Variants in EPS15L1 observed in about 807,000 individuals in gnomAD.
The protein encoded by EPS15L1 is epidermal growth factor receptor substrate 15-like 1.
In EPS15L1, 43 loss-of-function variants were observed where a neutral mutation model predicts 117.1. The ratio of observed to expected loss-of-function variants is 0.37; its 90% confidence interval spans 0.29 to 0.47. The LOEUF (loss-of-function observed/expected upper bound fraction) is 0.47, where lower values mean the gene tolerates loss of function less well. EPS15L1 is among the 20% of genes least tolerant of loss of function. The pLI is 0.99. For missense variants in EPS15L1, 981 were observed against 1,164.0 expected, an observed-to-expected ratio of 0.84 and a Z score of 2.29; for synonymous variants, 459 against 470.5, an observed-to-expected ratio of 0.98 and a Z score of 0.32.
At position 16,370,213 on chromosome 19, in the gene EPS15L1, G is replaced by A. The variant is rs909358406; in HGVS notation, c.2380+6909C>T. On this transcript the variant is annotated intron_variant, in intron 22 of 23. Coordinates refer to ENST00000455140, the MANE Select transcript of EPS15L1 (RefSeq NM_001258374.3). The surrounding 1 kb of genome is among the most constrained non-coding windows in gnomAD (Gnocchi z 5.2). ...TTTATGGCCAGATTCCCCATTGCCC[G>A]AGTGCATGTGATATTTTGCAGTTAG... Among the ~76,000 whole-genome samples, 1 of 152,160 alleles carries A rather than the reference G, an allele frequency of 6.6e-6. No homozygotes were observed. The highest frequency in any genetic ancestry group is 2.1e-4 in the South Asian group (1 of 4,832).
intron 7 of EPS15L1, among the ~76,000 whole-genome samples, chr19:16,431,249 C>T (rs969499325): frequency 9.0e-5 from 13 of 144,166 alleles, no homozygotes; most frequent in African/African-American, 2.8e-4. Flanking sequence ...AAAAAAAAAA[C>T]TTTTTTTTAA....
Position 16,365,150 on chromosome 19 carries a change from A to C in EPS15L1, c.2381-3166T>G, listed in dbSNP as rs1303499574. Among the ~76,000 whole-genome samples the C allele has an allele frequency of 6.6e-6, 1 of 152,172 alleles. No individual in the cohort carries two copies. The highest frequency in any genetic ancestry group is 1.5e-5 in the Non-Finnish European group (1 of 68,034). On this transcript the variant is annotated intron_variant, in intron 22 of 23. Coordinates refer to ENST00000455140, the MANE Select transcript of EPS15L1 (RefSeq NM_001258374.3). The surrounding 1 kb of genome is among the most constrained non-coding windows in gnomAD (Gnocchi z 4.9). Reference sequence around the variant, plus strand: ...CCCCTTCCCCATCATGCCTGTGTTCAGCTCTGCAGCCAAGCCCTGGGGCTG... The same window carrying C: ...CCCCTTCCCCATCATGCCTGTGTTCCGCTCTGCAGCCAAGCCCTGGGGCTG...
chr19:16,462,647 G>A (rs2093264610), intron 1 of EPS15L1, among the ~76,000 whole-genome samples: 2 of 152,168 alleles, frequency 1.3e-5, no homozygotes, highest in Non-Finnish European at 2.9e-5. Context: ...CAGCCTGGGT[G>A]ACAAAGCGGG....
In EPS15L1 at chr19:16,471,323, G is replaced by C. The variant is rs1243721400; in HGVS notation, c.33+590C>G. ...GCCTACGCATGGCTCTTTTTCGCAT[G>C]TCTGTGTCGCGCTATCGATACTGCC... is the stretch of plus-strand genomic sequence containing the variant. On this transcript the variant is annotated intron_variant, in intron 1 of 23. Transcript: ENST00000455140. This position sits in a 1 kb window ranked among gnomAD's most constrained non-coding sequence, Gnocchi z 4.8. Among the ~76,000 whole-genome samples the C allele has an allele frequency of 6.6e-6, 1 of 152,240 alleles. No homozygotes were observed. The highest frequency in any genetic ancestry group is 1.5e-5 in the Non-Finnish European group (1 of 68,044).
intron 10 of EPS15L1, among the ~76,000 whole-genome samples, chr19:16,418,964 G>A (rs181834770): frequency 3.1e-4 from 47 of 152,314 alleles, no homozygotes; most frequent in African/African-American, 9.1e-4. Context: ...GCAGCCCAAT[G>A]GTCTAAAACA....
intron 13 of EPS15L1, among the ~76,000 whole-genome samples, chr19:16,407,252 G>A (rs1453580159): frequency 3.3e-5 from 5 of 152,118 alleles, no homozygotes; most frequent in African/African-American, 1.2e-4. Context: ...CTCCTCAGAA[G>A]CTCCTGCCCT....
chr19:16,456,476 G>A (rs972731239), intron 1 of EPS15L1, among the ~76,000 whole-genome samples: 1 of 152,008 alleles, frequency 6.6e-6, no homozygotes, highest in Non-Finnish European at 1.5e-5. Context: ...GGCCAACATG[G>A]TGAAACTCTA....
At chr19:16,392,231 C>A (rs764029598) in intron 19 of EPS15L1, 73 bp downstream of exon 19, 2 of 1,566,532 alleles carry the variant, frequency 1.3e-6, no homozygotes, top group East Asian at 2.3e-5. Flanking sequence ...GGGAAGGGGG[C>A]CTTCGGGAAG....
intron 1 of EPS15L1, among the ~76,000 whole-genome samples, chr19:16,469,608 G>A (rs975902898): frequency 2.0e-5 from 3 of 152,166 alleles, no homozygotes; most frequent in African/African-American, 7.2e-5. Flanking sequence ...GAGTATATAA[G>A]GAAGGAGATT....
In EPS15L1 at chr19:16,355,490, A is replaced by G; in HGVS notation, c.*215T>C. On this transcript the variant is annotated 3_prime_UTR_variant, in exon 24 of 24. Transcript: ENST00000455140. The stretch of plus-strand genomic sequence containing the variant: ...GGGGGATGGCACAGTGGAGAGACGG[A>G]CCTGCAGAAGTGGTGGCCAAGGCCT... 1.8e-6 allele frequency: 1 copy of G among 568,846 alleles called. No homozygotes were observed. Among genetic ancestry groups the G allele is most frequent in the Non-Finnish European group, 3.1e-6 (1 of 327,384 alleles). 35.2% of individuals were successfully genotyped at this position (568,846 alleles called of 1,614,324 possible). A position where few individuals can be genotyped will look rare whatever the true frequency, so the allele number is the denominator to read the frequency against.
In EPS15L1 at chr19:16,468,346, T is replaced by C. The variant is rs542920747; in HGVS notation, c.33+3567A>G. On this transcript the variant is annotated intron_variant, in intron 1 of 23. Transcript: ENST00000455140. ...GTCGATTCAGGGCTTACTAAGGTCA[T>C]CAAAGCTGACTTTTTTTGAGACTGA... Among the ~76,000 whole-genome samples, 3 of 152,284 alleles carry C rather than the reference T, an allele frequency of 2.0e-5. No individual in the cohort carries two copies. The South Asian group carries it at 6.2e-4, about 32-fold the overall frequency.
rs550808979 is a variant in EPS15L1, at chr19:16,378,424, C to T, written c.2248-1170G>A. On this transcript the variant is annotated intron_variant, in intron 21 of 23. Transcript: ENST00000455140. The stretch of plus-strand genomic sequence containing the variant: ...AACACTCAGGTCTCCTGCTGGGGAA[C>T]TCGGCCCACCTCGTCCACCAGGAAC... Among the ~76,000 whole-genome samples the T allele has an allele frequency of 1.3e-4, 20 of 152,226 alleles. No individual in the cohort carries two copies. The South Asian group carries it at 3.9e-3, about 30-fold the overall frequency.
At chr19:16,453,239 A>C (rs897845095) in intron 1 of EPS15L1, among the ~76,000 whole-genome samples, 1 of 152,118 alleles carries the variant, frequency 6.6e-6, no homozygotes, top group Non-Finnish European at 1.5e-5. Context: ...AGCTGGGTCT[A>C]TAAGTGCATG....
At chr19:16,376,401 G>A (rs1456054819) in intron 22 of EPS15L1, among the ~76,000 whole-genome samples, 2 of 152,210 alleles carry the variant, frequency 1.3e-5, no homozygotes, top group Non-Finnish European at 2.9e-5. Flanking sequence ...GAAATCCCAC[G>A]TGTGAGTTAA....
At chr19:16,412,725 G>GCT in intron 13 of EPS15L1, 1 of 154,206 alleles carries the variant, frequency 6.5e-6, no homozygotes, top group Non-Finnish European at 1.2e-5. Context: ...GGGGGGGGGG[G>GCT]GGTGTCAGAG....
rs1235190461 is a variant in EPS15L1 at position 16,405,360 on chromosome 19, G to T, written c.1267-611C>A. Among the ~76,000 whole-genome samples the T allele has an allele frequency of 6.6e-6, 1 of 152,226 alleles. No homozygotes were observed. Among genetic ancestry groups the T allele is most frequent in the Non-Finnish European group, 1.5e-5 (1 of 68,034 alleles). ...CGCCAAGGAGACTGCGCTGGGCTCT[G>T]TGGTGGGGAGCCCGGTGGGATGTGT... On this transcript the variant is annotated intron_variant, in intron 13 of 23. Coordinates refer to ENST00000455140, the MANE Select transcript of EPS15L1 (RefSeq NM_001258374.3). The surrounding 1 kb of genome is among the most constrained non-coding windows in gnomAD (Gnocchi z 4.0).
Position 16,444,842 on chromosome 19 carries a change from T to A in EPS15L1, c.34-2623A>T, listed in dbSNP as rs1239741273. Among the ~76,000 whole-genome samples, 4 of 151,340 alleles carry A rather than the reference T, an allele frequency of 2.6e-5. No homozygotes were observed. In the East Asian group the frequency reaches 7.9e-4, roughly 30 times the overall value. ...CCTGGATTCAAGCCATTCTCCTACC[T>A]CAGCCTCCCGAGTAGCTGGGACTAC... On this transcript the variant is annotated intron_variant, in intron 1 of 23. Transcript: ENST00000455140.
At position 16,404,747 on chromosome 19, in the gene EPS15L1, T is replaced by C; in HGVS notation, c.1269A>G (p.Glu423=). Residue 423 remains glutamate, a splice_region_variant and synonymous_variant, in exon 14 of 24, where the codon GAA becomes GAG. Coordinates refer to ENST00000455140, the MANE Select transcript of EPS15L1 (RefSeq NM_001258374.3). This position sits in a 1 kb window ranked among gnomAD's most constrained non-coding sequence, Gnocchi z 4.2. ...TTTCCCGGTCTAGGTCATTTTGTAA[T>C]TCCTAGGGAGGAGTTGCAGGGGTTT... ...AIRQKTSEVQ[E]LQNDLDRETS... The C allele has an allele frequency of 1.2e-6, 2 of 1,614,074 alleles. No individual in the cohort carries two copies. The highest frequency in any genetic ancestry group is 1.1e-5 in the South Asian group (1 of 91,076).
At chr19:16,399,801 TGTGA>T (rs1305175325) in intron 16 of EPS15L1, among the ~76,000 whole-genome samples, 1 of 151,736 alleles carries the variant, frequency 6.6e-6, no homozygotes, top group East Asian at 1.9e-4. Flanking sequence ...GGATTACAGG[TGTGA>T]GCCATTGTGC....
Sources: allele counts gnomAD v4.1 joint callset (sites outside exome capture counted in the v4.1 genomes callset), GRCh38; gene constraint gnomAD v4.1.1; non-coding constraint Gnocchi (gnomAD v3.1); transcripts MANE v1.5; gene names NCBI Gene and HGNC (gene_info 2026-07-23, HGNC 2026-07-21).